Variants in CTNNBL1 observed in about 807,000 individuals in gnomAD.
The protein encoded by CTNNBL1 is beta-catenin-like protein 1.
CTNNBL1 carries 31 observed loss-of-function variants against 72.7 expected under a neutral mutation model. The ratio of observed to expected loss-of-function variants is 0.43; its 90% CI spans 0.32 to 0.58. The LOEUF is 0.58. Ranked by LOEUF, CTNNBL1 falls within the 20% of genes least tolerant of loss-of-function variation. The pLI is 0.08. For synonymous variants in CTNNBL1, 240 were observed against 267.3 expected (o/e 0.90, Z 1.00); for missense variants, 534 against 725.1 (o/e 0.74, Z 3.03).
intron 10 of CTNNBL1, among the ~76,000 whole-genome samples, chr20:37,801,377 C>A (rs1447216347): frequency 6.6e-6 from 1 of 151,908 alleles, no homozygotes; most frequent in African/African-American, 2.4e-5. Flanking sequence ...CCAGCTGTAG[C>A]AAGATAGGAA....
At chr20:37,800,123 T>A (rs1480813488) in intron 10 of CTNNBL1, among the ~76,000 whole-genome samples, 1 of 152,252 alleles carries the variant, frequency 6.6e-6, no homozygotes, top group African/African-American at 2.4e-5. Context: ...ATATTATTTC[T>A]GATTCCTTTT....
At chr20:37,789,620 T>A (rs1433386420) in intron 10 of CTNNBL1, among the ~76,000 whole-genome samples, 1 of 152,226 alleles carries the variant, frequency 6.6e-6, no homozygotes, top group Non-Finnish European at 1.5e-5. Context: ...CACTTCCGTT[T>A]CTTTGTTACA....
intron 1 of CTNNBL1, among the ~76,000 whole-genome samples, chr20:37,715,267 C>G (rs1456466704): frequency 6.6e-6 from 1 of 152,174 alleles, no homozygotes; most frequent in Admixed American, 6.5e-5. Flanking sequence ...TATTTTCTAG[C>G]TCTTTGGTCT....
chr20:37,747,957 A>G (rs1012914505), intron 4 of CTNNBL1, among the ~76,000 whole-genome samples: 1 of 152,188 alleles, frequency 6.6e-6, no homozygotes, highest in African/African-American at 2.4e-5. Context: ...GTGACTTCCA[A>G]AACCATTTTA....
chr20:37,817,383 T>C (rs1313307186), intron 11 of CTNNBL1, among the ~76,000 whole-genome samples: 1 of 152,240 alleles, frequency 6.6e-6, no homozygotes, highest in Non-Finnish European at 1.5e-5. Context: ...ATAACTTTAT[T>C]CTTCAATTTT....
At chr20:37,710,571 C>T (rs146958915) in intron 1 of CTNNBL1, among the ~76,000 whole-genome samples, 1 of 152,152 alleles carries the variant, frequency 6.6e-6, no homozygotes, top group African/African-American at 2.4e-5. Context: ...TTTGCCCCCC[C>T]CACTGCCATC....
intron 3 of CTNNBL1, among the ~76,000 whole-genome samples, chr20:37,745,337 A>G (rs1044229600): frequency 4.6e-5 from 7 of 152,150 alleles, no homozygotes; most frequent in Non-Finnish European, 1.0e-4. Context: ...TGTGCCCTCA[A>G]TTTAATTCAG....
chr20:37,808,502 C>A (rs565708364), intron 11 of CTNNBL1, among the ~76,000 whole-genome samples: 1 of 152,286 alleles, frequency 6.6e-6, no homozygotes, highest in African/African-American at 2.4e-5. Context: ...TAACAAAGAC[C>A]TAGTATGTGA....
intron 10 of CTNNBL1, among the ~76,000 whole-genome samples, chr20:37,798,266 A>G: frequency 6.6e-6 from 1 of 152,234 alleles, no homozygotes; most frequent in East Asian, 1.9e-4. Flanking sequence ...TTTGCATAAT[A>G]AAGAAGAATA....
intron 2 of CTNNBL1, among the ~76,000 whole-genome samples, chr20:37,734,211 G>A (rs2073153302): frequency 6.6e-6 from 1 of 152,214 alleles, no homozygotes; most frequent in African/African-American, 2.4e-5. Flanking sequence ...GGTCTTTACT[G>A]TGTTGTGACA....
intron 10 of CTNNBL1, among the ~76,000 whole-genome samples, chr20:37,799,207 T>C (rs886943441): frequency 6.6e-6 from 1 of 152,242 alleles, no homozygotes; most frequent in Non-Finnish European, 1.5e-5. Context: ...CCGTCCCTTC[T>C]TCACATTGCT....
Position 37,739,180 on chromosome 20 carries a change from G to A in CTNNBL1, c.326+1696G>A, listed in dbSNP as rs187041351. Among the ~76,000 whole-genome samples, 3 of 152,168 alleles carry A rather than the reference G, an allele frequency of 2.0e-5. No homozygotes were observed. In the East Asian group the frequency reaches 5.8e-4, roughly 29 times the overall value. On this transcript the variant is annotated intron_variant, in intron 3 of 15. Coordinates refer to ENST00000361383, the MANE Select transcript of CTNNBL1 (RefSeq NM_030877.5). ...AAAATACCAGTGGTACATGAGTAGAGTGAAAAATGAAAGTTTTCCTTCACT... is the reference window on the plus strand; with the variant it reads ...AAAATACCAGTGGTACATGAGTAGAATGAAAAATGAAAGTTTTCCTTCACT...
intron 11 of CTNNBL1, among the ~76,000 whole-genome samples, chr20:37,826,617 A>G (rs944755467): frequency 6.6e-6 from 1 of 152,214 alleles, no homozygotes; most frequent in Non-Finnish European, 1.5e-5. Context: ...CTCCTTCTCA[A>G]CATTTTCTTA....
At chr20:37,716,668 G>A (rs2122568047) in intron 1 of CTNNBL1, among the ~76,000 whole-genome samples, 1 of 152,322 alleles carries the variant, frequency 6.6e-6, no homozygotes, top group South Asian at 2.1e-4. Flanking sequence ...CAACAGGCAT[G>A]TTTTGAGGCC....
intron 13 of CTNNBL1, among the ~76,000 whole-genome samples, chr20:37,858,505 T>C (rs995471403): frequency 1.3e-5 from 2 of 152,180 alleles, no homozygotes; most frequent in African/African-American, 4.8e-5. Context: ...ACTTGAACCA[T>C]ACCCCGGAAT....
At chr20:37,823,742 G>T (rs1210091095) in intron 11 of CTNNBL1, among the ~76,000 whole-genome samples, 1 of 152,122 alleles carries the variant, frequency 6.6e-6, no homozygotes, top group Admixed American at 6.5e-5. Context: ...TGTGGTGTTC[G>T]GCTCTCCTGC....
intron 1 of CTNNBL1, among the ~76,000 whole-genome samples, chr20:37,732,046 C>T (rs1052347070): frequency 2.0e-5 from 3 of 152,188 alleles, no homozygotes; most frequent in African/African-American, 7.2e-5. Flanking sequence ...ACAGGGTTCT[C>T]TTTTCTCTAC....
chr20:37,762,971 T>C (rs913617077), intron 5 of CTNNBL1, among the ~76,000 whole-genome samples: 1 of 152,170 alleles, frequency 6.6e-6, no homozygotes, highest in Non-Finnish European at 1.5e-5. Context: ...TCACTGACAG[T>C]GTCCCCACTA....
At chr20:37,839,042 C>G (rs970073378) in intron 11 of CTNNBL1, among the ~76,000 whole-genome samples, 1 of 151,774 alleles carries the variant, frequency 6.6e-6, no homozygotes, top group Admixed American at 6.6e-5. Flanking sequence ...AGCCATAGGA[C>G]AAGATGCGAT....
Sources: allele counts gnomAD v4.1 joint callset (sites outside exome capture counted in the v4.1 genomes callset), GRCh38; gene constraint gnomAD v4.1.1; transcripts MANE v1.5; gene names NCBI Gene and HGNC (gene_info 2026-07-23, HGNC 2026-07-21).